ESYT3: variants seen among roughly 807,000 people sequenced by gnomAD.
ESYT3 encodes extended synaptotagmin-3.
ESYT3 carries 101 observed loss-of-function variants against 111.5 expected under a neutral mutation model. The ratio of observed to expected loss-of-function variants is 0.91; its 90% CI spans 0.77 to 1.07. The LOEUF is 1.07. Ranked by LOEUF, ESYT3 falls within the 50% of genes least tolerant of loss-of-function variation. ESYT3 has a pLI of 0.00. For missense variants in ESYT3, 1,097 were observed against 1,109.4 expected, an observed-to-expected ratio of 0.99 and a Z score of 0.16; for synonymous variants, 416 against 446.8, an observed-to-expected ratio of 0.93 and a Z score of 0.87.
chr3:138,465,663 G>C (rs565662161), intron 10 of ESYT3, among the ~76,000 whole-genome samples: 1 of 152,284 alleles, frequency 6.6e-6, no homozygotes, highest in African/African-American at 2.4e-5. Context: ...CCCAAGATTT[G>C]TATATTACGG....
At chr3:138,455,120 C>A (rs1181633226) in intron 2 of ESYT3, 74 bp from the exon 3 acceptor site, 1 of 1,571,900 alleles carries the variant, frequency 6.4e-7, no homozygotes, top group Non-Finnish European at 8.7e-7. Context: ...GAATCAGGAC[C>A]TTGTCCCATG....
chr3:138,459,344 G>T, intron 5 of ESYT3, 91 bp downstream of exon 5: 1 of 1,060,874 alleles, frequency 9.4e-7, no homozygotes. Flanking sequence ...GTAGGCCGCA[G>T]AAGGTGGTGG....
intron 5 of ESYT3, 50 bp from the exon 6 acceptor site, chr3:138,459,895 T>C (rs781734471): frequency 1.9e-6 from 3 of 1,541,486 alleles, no homozygotes; most frequent in Non-Finnish European, 2.7e-6. Flanking sequence ...CCAGCAGGCA[T>C]GGGGAGAAAG....
chr3:138,444,837 C>T (rs1447138217), intron 1 of ESYT3, among the ~76,000 whole-genome samples: 1 of 152,204 alleles, frequency 6.6e-6, no homozygotes, highest in Non-Finnish European at 1.5e-5. Flanking sequence ...AATTTGGTGA[C>T]ACAGCAGTGT....
At chr3:138,481,246 A>C (rs1283166361), downstream of ESYT3, 1 of 152,250 alleles carries the variant, frequency 6.6e-6, no homozygotes, top group Non-Finnish European at 1.5e-5. Flanking sequence ...TCTGTTCATA[A>C]AAATAAACTA....
chr3:138,455,084 C>A, intron 2 of ESYT3, 110 bp from the exon 3 acceptor site: 4 of 1,305,510 alleles, frequency 3.1e-6, no homozygotes, highest in Non-Finnish European at 4.3e-6. Context: ...AGCATAGGAA[C>A]CCCCACCCCA....
intron 2 of ESYT3, among the ~76,000 whole-genome samples, chr3:138,454,153 TG>T (rs992295932): frequency 1.3e-5 from 2 of 152,180 alleles, no homozygotes; most frequent in East Asian, 3.9e-4. Flanking sequence ...GAGGCTGTGG[TG>T]GGAAATCACC....
intron 1 of ESYT3, among the ~76,000 whole-genome samples, chr3:138,438,151 A>C (rs114422227): frequency 1.7e-3 from 259 of 152,342 alleles, no homozygotes; most frequent in African/African-American, 6.0e-3. Context: ...GGATCTCTTC[A>C]TCATCACATG....
chr3:138,445,539 C>A (rs1356496754), intron 1 of ESYT3, among the ~76,000 whole-genome samples: 1 of 152,224 alleles, frequency 6.6e-6, no homozygotes, highest in Non-Finnish European at 1.5e-5. Flanking sequence ...TGTTGTAAAT[C>A]CTCCTCATTC....
chr3:138,462,113 C>T lies in ESYT3; in HGVS notation c.822C>T (p.Asp274=). 1 of 1,614,166 alleles carries T rather than the reference C, an allele frequency of 6.2e-7. No individual in the cohort carries two copies. The highest frequency in any genetic ancestry group is 8.5e-7 in the Non-Finnish European group (1 of 1,180,026). ...ATGTGTCAGACAGCTTACTGGAGGA[C>T]CTCATTGCCACCCACCTGGTGCTGC... is the stretch of plus-strand genomic sequence containing the variant. ...INDVSDSLLE[D]LIATHLVLPN... is the part of the protein sequence containing the mutation. Residue 274 remains aspartate, a synonymous_variant, in exon 8 of 23, where the codon GAC becomes GAT. Coordinates refer to ENST00000389567, the MANE Select transcript of ESYT3 (RefSeq NM_031913.5).
intron 1 of ESYT3, among the ~76,000 whole-genome samples, chr3:138,444,239 A>T (rs570670959): frequency 2.6e-5 from 4 of 152,330 alleles, no homozygotes; most frequent in Non-Finnish European, 5.9e-5. Context: ...CACTAACAGC[A>T]TCAAGAGGTA....
intron 1 of ESYT3, among the ~76,000 whole-genome samples, chr3:138,443,013 A>G (rs2031271166): frequency 6.6e-6 from 1 of 152,164 alleles, no homozygotes; most frequent in Non-Finnish European, 1.5e-5. Flanking sequence ...TGAACTTACT[A>G]TCATCGCTTA....
intron 16 of ESYT3, 124 bp downstream of exon 16, chr3:138,470,270 AAGAG>A (rs1443232684): frequency 3.6e-6 from 5 of 1,393,720 alleles, no homozygotes; most frequent in Non-Finnish European, 4.7e-6. Flanking sequence ...CCTTGTATGT[AAGAG>A]AGGACACTGA....
Position 138,476,834 on chromosome 3 carries a change from A to G in ESYT3, c.2641A>G (p.Asn881Asp), listed in dbSNP as rs774115751. 4 of 1,613,950 alleles carry G rather than the reference A, an allele frequency of 2.5e-6. No individual in the cohort carries two copies. The highest frequency in any genetic ancestry group is 3.4e-6 in the Non-Finnish European group (4 of 1,179,934). ...GFSQWYELTPNGQPRS is the reference protein window; with the variant it reads ...GFSQWYELTPDGQPRS Reference sequence around the variant, plus strand: ...GTCTTACAGGTATGAGCTGACTCCAAATGGACAGCCCAGAAGCTGATGATG... The same window carrying G: ...GTCTTACAGGTATGAGCTGACTCCAGATGGACAGCCCAGAAGCTGATGATG... The change falls in exon 23 of 23, where the codon AAT (asparagine) becomes GAT (aspartate). Residue 881 changes from asparagine to aspartate, a missense_variant. Coordinates refer to ENST00000389567, the MANE Select transcript of ESYT3 (RefSeq NM_031913.5).
At position 138,471,038 on chromosome 3, in the gene ESYT3, C is replaced by T. The variant is rs754741209; in HGVS notation, c.1740+12C>T. On this transcript the variant is annotated intron_variant, in intron 17 of 22. Coordinates refer to ENST00000389567, the MANE Select transcript of ESYT3 (RefSeq NM_031913.5). ...GGCTGGTGCTTCGGGTAAATCTCTC[C>T]GGTCCCCTGGGGGAGGGGAGGAATA... 4.8e-5 allele frequency: 77 copies of T among 1,609,346 alleles called. No homozygotes were observed. In the Middle Eastern group the frequency reaches 8.4e-4, roughly 18 times the overall value.
chr3:138,457,945 C>T (rs1055843925), intron 4 of ESYT3, among the ~76,000 whole-genome samples: 2 of 152,122 alleles, frequency 1.3e-5, no homozygotes, highest in Non-Finnish European at 2.9e-5. Flanking sequence ...TGGTGAGGCC[C>T]AGGGAGTTCC....
chr3:138,435,302 T>C lies in ESYT3; in HGVS notation c.327+177T>C, dbSNP rs931438778. ...AGACCCTGGGGACGGTGACCGCCCC[T>C]CCCGCGGCGCGCAGCACCCTCACGT... On this transcript the variant is annotated intron_variant, in intron 1 of 22. Transcript: ENST00000389567. The surrounding 1 kb of genome is among the most constrained non-coding windows in gnomAD (Gnocchi z 4.8). 1.3e-5 allele frequency among the ~76,000 whole-genome samples: 2 copies of C among 151,998 alleles called. No homozygotes were observed. The highest frequency in any genetic ancestry group is 4.8e-5 in the African/African-American group (2 of 41,384).
intron 4 of ESYT3, 118 bp downstream of exon 4, chr3:138,457,762 G>A: frequency 1.1e-6 from 1 of 941,958 alleles, no homozygotes; most frequent in Non-Finnish European, 1.7e-6. Flanking sequence ...CCCCTCACAG[G>A]ACCCTCCCCT....
intron 16 of ESYT3, 189 bp downstream of exon 16, chr3:138,470,335 A>T: frequency 7.7e-7 from 1 of 1,305,764 alleles, no homozygotes; most frequent in South Asian, 1.8e-5. Flanking sequence ...GTCACTGTAT[A>T]GGGGGATGTG....
Sources: gnomAD v4.1 joint callset for allele counts (sites outside exome capture counted in the v4.1 genomes callset) on GRCh38, gnomAD v4.1.1 for gene constraint, Gnocchi (gnomAD v3.1) non-coding constraint, MANE v1.5 for transcripts, NCBI Gene and HGNC (gene_info 2026-07-23, HGNC 2026-07-21) for gene names.